Variants in NPNT observed in about 807,000 individuals in gnomAD.
The protein encoded by NPNT is nephronectin, also known as preosteoblast EGF-like repeat protein with MAM domain.
NPNT carries 45 observed loss-of-function variants against 68.6 expected under a neutral mutation model. The ratio of observed to expected loss-of-function variants is 0.66; its 90% CI spans 0.52 to 0.84. NPNT has a LOEUF of 0.84. Ranked by LOEUF, NPNT falls within the 40% of genes least tolerant of loss-of-function variation. The probability of loss-of-function intolerance (pLI) is 0.00; values close to 1 mark genes in which losing one functional copy is unlikely to be tolerated. For missense variants in NPNT, 672 were observed against 714.8 expected, an observed-to-expected ratio of 0.94 and a Z score of 0.68; for synonymous variants, 233 against 253.3, an observed-to-expected ratio of 0.92 and a Z score of 0.76.
Position 105,940,577 on chromosome 4 carries a change from G to A in NPNT, c.704G>A (p.Arg235His), listed in dbSNP as rs752719940. Residue 235 changes from arginine (R) to histidine (H), a missense_variant, in exon 7 of 12, where the codon CGT becomes CAT. Arg to His is a conservative substitution (Grantham distance 29, BLOSUM62 0). Transcript: ENST00000379987. ...CSSFARCYNI[R>H]GSYKCKCKEG... is the part of the protein sequence containing the mutation. ...AGCTTTGCTCGATGTTATAACATAC[G>A]TGGGTCCTACAAGTGCAAATGTAAA... The A allele has an allele frequency of 2.0e-5, 32 of 1,612,488 alleles. No homozygotes were observed. Among genetic ancestry groups the A allele is most frequent in the South Asian group, 7.7e-5 (7 of 91,066 alleles).
chr4:105,899,411 A>C (rs1726217396), intron 2 of NPNT, among the ~76,000 whole-genome samples: 1 of 152,210 alleles, frequency 6.6e-6, no homozygotes, highest in African/African-American at 2.4e-5. Context: ...ATACTACAGA[A>C]GACTAAATTC....
intron 11 of NPNT, among the ~76,000 whole-genome samples, chr4:105,967,680 A>T (rs1159074230): frequency 6.7e-6 from 1 of 148,388 alleles, no homozygotes; most frequent in Non-Finnish European, 1.5e-5. Flanking sequence ...GTAAAGATCC[A>T]TTTTTTTTTA....
chr4:105,898,380 C>T (rs73839049), intron 2 of NPNT, among the ~76,000 whole-genome samples: 3,656 of 112,168 alleles, frequency 0.033, 114 homozygotes, highest in African/African-American at 0.11. Flanking sequence ...CTCTCTCTCT[C>T]GCTGACTCGC....
Position 105,898,380 on chromosome 4 carries a change from C to CTCTT in NPNT, c.172+379_172+380insTCTT, listed in dbSNP as rs58673636. On this transcript the variant is annotated intron_variant, in intron 2 of 11. Coordinates refer to ENST00000379987, the MANE Select transcript of NPNT (RefSeq NM_001033047.3). ...TCTCTCTCTCTCTCTCTCTCTCTCT[C>CTCTT]GCTGACTCGCTTGCTCCAGGCTGGG... 8.9e-4 allele frequency among the ~76,000 whole-genome samples: 100 copies of CTCTT among 112,514 alleles called. 5 individuals are homozygous for CTCTT. Among genetic ancestry groups the CTCTT allele is most frequent in the African/African-American group, 3.8e-3 (88 of 23,040 alleles). 73.8% of individuals were successfully genotyped at this position (112,514 alleles called of 152,430 possible).
At chr4:105,906,262 G>C (rs990951765) in intron 2 of NPNT, among the ~76,000 whole-genome samples, 1 of 152,220 alleles carries the variant, frequency 6.6e-6, no homozygotes, top group African/African-American at 2.4e-5. Flanking sequence ...GAGGAATTAT[G>C]GTTTTACTGC....
chr4:105,926,941 A>G (rs1728725794), intron 2 of NPNT: 1 of 153,466 alleles, frequency 6.5e-6, no homozygotes, highest in African/African-American at 2.4e-5. Context: ...TTTCATACAT[A>G]CTTAGTACTT....
chr4:105,939,305 A>T (rs1362524614), intron 5 of NPNT, among the ~76,000 whole-genome samples: 1 of 152,202 alleles, frequency 6.6e-6, no homozygotes, highest in Non-Finnish European at 1.5e-5. Flanking sequence ...GAAACAGCCA[A>T]GCAGCTGAAG....
intron 3 of NPNT, among the ~76,000 whole-genome samples, chr4:105,935,524 A>AT (rs1034374424): frequency 1.3e-5 from 2 of 152,220 alleles, no homozygotes; most frequent in Admixed American, 1.3e-4. Context: ...GGGAGAAAAC[A>AT]TTTTTGATAC....
At chr4:105,920,596 C>G (rs576817849) in intron 2 of NPNT, among the ~76,000 whole-genome samples, 1 of 151,834 alleles carries the variant, frequency 6.6e-6, no homozygotes, top group South Asian at 2.1e-4. Context: ...AGGGATAGTG[C>G]TTAATTATGA....
At chr4:105,902,908 T>C in intron 2 of NPNT, 1 of 152,246 alleles carries the variant, frequency 6.6e-6, no homozygotes, top group African/African-American at 2.4e-5. Flanking sequence ...TAAGATCTAC[T>C]AATTTCCTGA....
chr4:105,932,553 T>G, intron 3 of NPNT: 1 of 1,151,580 alleles, frequency 8.7e-7, no homozygotes, highest in East Asian at 2.6e-5. Context: ...GCAAAGATTT[T>G]TAGGGCTAAA....
At chr4:105,929,905 G>A (rs1460992757) in intron 3 of NPNT, among the ~76,000 whole-genome samples, 1 of 151,526 alleles carries the variant, frequency 6.6e-6, no homozygotes, top group African/African-American at 2.4e-5. Flanking sequence ...TTTTTTTCCT[G>A]TAACACATAC....
chr4:105,955,269 A>G (rs1731130731), intron 8 of NPNT, among the ~76,000 whole-genome samples: 1 of 152,212 alleles, frequency 6.6e-6, no homozygotes, highest in African/African-American at 2.4e-5. Flanking sequence ...ACCAATGTCT[A>G]TCCTGGTTAT....
intron 7 of NPNT, among the ~76,000 whole-genome samples, chr4:105,941,737 A>C (rs753183528): frequency 1.2e-4 from 18 of 152,194 alleles, no homozygotes; most frequent in Non-Finnish European, 2.1e-4. Flanking sequence ...TGTATCTATC[A>C]GTAAAGGGAA....
intron 3 of NPNT, among the ~76,000 whole-genome samples, chr4:105,934,068 A>G (rs577004557): frequency 6.6e-6 from 1 of 152,284 alleles, no homozygotes; most frequent in South Asian, 2.1e-4. Flanking sequence ...TAAAATAAAA[A>G]CACCAAAGTT....
chr4:105,895,518 A>G lies in NPNT; in HGVS notation c.-135A>G, dbSNP rs1725740232. On this transcript the variant is annotated 5_prime_UTR_variant, in exon 1 of 12. Coordinates refer to ENST00000379987, the MANE Select transcript of NPNT (RefSeq NM_001033047.3). The stretch of plus-strand genomic sequence containing the variant: ...GCGCGCCTCGCCGCTGTCCTCCGGG[A>G]GCGGCAGCAGTAGCCCGGGCGGCGA... 4.4e-6 allele frequency: 3 copies of G among 688,340 alleles called. No homozygotes were observed. Among genetic ancestry groups the G allele is most frequent in the Non-Finnish European group, 7.2e-6 (3 of 418,938 alleles). The allele number at this position is 688,340 out of a possible 1,614,324, so 42.6% of individuals were successfully genotyped here.
At position 105,898,700 on chromosome 4, in the gene NPNT, A is replaced by G. The variant is rs949174039; in HGVS notation, c.172+699A>G. Among the ~76,000 whole-genome samples, 11 of 152,178 alleles carry G rather than the reference A, an allele frequency of 7.2e-5. 1 individual carries two copies. In the South Asian group the frequency reaches 2.1e-3, roughly 29 times the overall value. ...GTACCAAATCAGAAAGCTGATTTTC[A>G]CCTTTTCTGTGACCACAAATGGATA... On this transcript the variant is annotated intron_variant, in intron 2 of 11. Transcript: ENST00000379987.
At chr4:105,928,715 G>T (rs1728881651) in intron 3 of NPNT, among the ~76,000 whole-genome samples, 1 of 150,856 alleles carries the variant, frequency 6.6e-6, no homozygotes. Flanking sequence ...AAATAAAAAA[G>T]ATAAGTCAAT....
At position 105,927,371 on chromosome 4, in the gene NPNT, A is replaced by T. The variant is rs1216256924; in HGVS notation, c.208A>T (p.Ile70Phe). 1 of 1,613,308 alleles carries T rather than the reference A, an allele frequency of 6.2e-7. No homozygotes were observed. The highest frequency in any genetic ancestry group is 1.7e-5 in the Admixed American group (1 of 59,914). Residue 70 changes from isoleucine (I) to phenylalanine (F), a missense_variant, in exon 3 of 12, where the codon ATC (isoleucine) becomes TTC (phenylalanine). Physicochemically the swap from Ile to Phe is conservative, Grantham distance 21. Transcript: ENST00000379987. ...CQPRCKHGEC[I>F]GPNKCKCHPG... ...ACCACGATGCAAACATGGTGAATGTATCGGGCCAAACAAGTGCAAGTGTCA... is the reference window on the plus strand; with the variant it reads ...ACCACGATGCAAACATGGTGAATGTTTCGGGCCAAACAAGTGCAAGTGTCA...
Sources: allele counts gnomAD v4.1 joint callset (sites outside exome capture counted in the v4.1 genomes callset), GRCh38; gene constraint gnomAD v4.1.1; transcripts MANE v1.5; gene names NCBI Gene and HGNC (gene_info 2026-07-23, HGNC 2026-07-21).